Variants in PCYT1A observed in about 807,000 individuals in gnomAD.
PCYT1A encodes choline-phosphate cytidylyltransferase A.
Under a neutral mutation model 43.7 loss-of-function variants are expected in PCYT1A, and 25 were observed. The ratio of observed to expected loss-of-function variants is 0.57; its 90% CI spans 0.42 to 0.80. The LOEUF is 0.80. PCYT1A is among the 30% of genes least tolerant of loss of function. The pLI is 0.00. For missense variants in PCYT1A, 421 were observed against 474.2 expected (o/e 0.89, Z 1.04); for synonymous variants, 172 against 170.7 (o/e 1.01, Z -0.06).
chr3:196,275,238 TA>T (rs1725550138), intron 1 of PCYT1A, among the ~76,000 whole-genome samples: 2 of 152,312 alleles, frequency 1.3e-5, no homozygotes, highest in African/African-American at 4.8e-5. Flanking sequence ...TCATAATTTT[TA>T]AGTACAAACT....
chr3:196,247,305 G>A lies in PCYT1A; in HGVS notation c.486+62C>T. On this transcript the variant is annotated intron_variant, in intron 5 of 8. Coordinates refer to ENST00000431016, the MANE Select transcript of PCYT1A (RefSeq NM_001312673.2). The surrounding 1 kb of genome is among the most constrained non-coding windows in gnomAD (Gnocchi z 4.8). Reference sequence around the variant, plus strand: ...TAGTGGAAAACCAGCCTACGTGCCAGCAGCTTTGAGAGTTGAGGGGATTCT... The same window carrying A: ...TAGTGGAAAACCAGCCTACGTGCCAACAGCTTTGAGAGTTGAGGGGATTCT... The A allele has an allele frequency of 3.2e-6, 5 of 1,561,768 alleles. No individual in the cohort carries two copies. The highest frequency in any genetic ancestry group is 4.4e-6 in the Non-Finnish European group (5 of 1,138,114).
chr3:196,244,283 G>A (rs1577355887), intron 5 of PCYT1A, among the ~76,000 whole-genome samples: 1 of 141,918 alleles, frequency 7.0e-6, no homozygotes, highest in African/African-American at 2.7e-5. Context: ...TGGGATGTGA[G>A]GAGCCCCTCT....
At chr3:196,255,879 A>G (rs1002990838) in intron 3 of PCYT1A, among the ~76,000 whole-genome samples, 3 of 152,222 alleles carry the variant, frequency 2.0e-5, no homozygotes, top group Non-Finnish European at 4.4e-5. Flanking sequence ...CTTGCTTTCA[A>G]TAGCCTCTAC....
chr3:196,286,891 G>A (rs537500421), intron 1 of PCYT1A, among the ~76,000 whole-genome samples: 1 of 152,330 alleles, frequency 6.6e-6, no homozygotes, highest in East Asian at 1.9e-4. Flanking sequence ...TCCAGCCTGG[G>A]CAACAAGAGC....
chr3:196,272,187 C>CCT (rs1432950025), intron 1 of PCYT1A, among the ~76,000 whole-genome samples: 1 of 87,202 alleles, frequency 1.1e-5, no homozygotes, highest in East Asian at 6.1e-4. Context: ...CTCCTTCTTT[C>CCT]CTTTTTTTTT....
At position 196,268,369 on chromosome 3, in the gene PCYT1A, G is replaced by A. The variant is rs1725337185; in HGVS notation, c.117+2046C>T. Among the ~76,000 whole-genome samples, 1 of 152,156 alleles carries A rather than the reference G, an allele frequency of 6.6e-6. No homozygotes were observed. Among genetic ancestry groups the A allele is most frequent in the African/African-American group, 2.4e-5 (1 of 41,430 alleles). The stretch of plus-strand genomic sequence containing the variant: ...AATATTCAGAAACTAACAATGCCCT[G>A]TTTTGTTGATTGCTGAGTCACTTTC... On this transcript the variant is annotated intron_variant, in intron 2 of 8. Coordinates refer to ENST00000431016, the MANE Select transcript of PCYT1A (RefSeq NM_001312673.2). This position sits in a 1 kb window ranked among gnomAD's most constrained non-coding sequence, Gnocchi z 4.4.
Position 196,277,098 on chromosome 3 carries a change from C to T in PCYT1A, c.-10-6557G>A, listed in dbSNP as rs757538751. Among the ~76,000 whole-genome samples, 4 of 151,830 alleles carry T rather than the reference C, an allele frequency of 2.6e-5. No individual in the cohort carries two copies. The highest frequency in any genetic ancestry group is 9.7e-5 in the African/African-American group (4 of 41,316). On this transcript the variant is annotated intron_variant, in intron 1 of 8. Coordinates refer to ENST00000431016, the MANE Select transcript of PCYT1A (RefSeq NM_001312673.2). This position sits in a 1 kb window ranked among gnomAD's most constrained non-coding sequence, Gnocchi z 4.1. ...TATAAAAATTAGCCAGGTGTGGTGG[C>T]GGGCACCTGTAATCCCAGCTACTTG...
In PCYT1A at chr3:196,241,649, G is replaced by A. The variant is rs1724362129; in HGVS notation, c.708+299C>T. On this transcript the variant is annotated intron_variant, in intron 7 of 8. Transcript: ENST00000431016. Reference sequence around the variant, plus strand: ...CCCAAGACATCATCCAACCGAAGAAGAGAGAGGAAGTTTAAGAGACACCGT... The same window carrying A: ...CCCAAGACATCATCCAACCGAAGAAAAGAGAGGAAGTTTAAGAGACACCGT... 2.2e-6 allele frequency: 3 copies of A among 1,355,750 alleles called. No homozygotes were observed. In the African/African-American group the frequency reaches 4.4e-5, roughly 20 times the overall value. 84.0% of individuals were successfully genotyped at this position (1,355,750 alleles called of 1,614,324 possible). A position where few individuals can be genotyped will look rare whatever the true frequency, so the allele number is the denominator to read the frequency against.
Position 196,242,819 on chromosome 3 carries a change from T to C in PCYT1A, c.487-179A>G. On this transcript the variant is annotated intron_variant, in intron 5 of 8. Coordinates refer to ENST00000431016, the MANE Select transcript of PCYT1A (RefSeq NM_001312673.2). This position sits in a 1 kb window ranked among gnomAD's most constrained non-coding sequence, Gnocchi z 4.2. ...ATTCACAAACCACCCAACCTAATGA[T>C]TTATGGAGTATACATATGAAGTTAG... 1.6e-6 allele frequency: 1 copy of C among 620,014 alleles called. No homozygotes were observed. The allele number at this position is 620,014 out of a possible 1,614,324, so 38.4% of individuals were successfully genotyped here. A position where few individuals can be genotyped will look rare whatever the true frequency, so the allele number is the denominator to read the frequency against.
At position 196,273,073 on chromosome 3, in the gene PCYT1A, CA is replaced by C. The variant is rs553810096; in HGVS notation, c.-10-2533del. Among the ~76,000 whole-genome samples the C allele has an allele frequency of 6.1e-4, 93 of 152,320 alleles. No homozygotes were observed. Among genetic ancestry groups the C allele is most frequent in the African/African-American group, 1.9e-3 (80 of 41,574 alleles). ...GCGCACAGCCAGGCACGCCAGCTGCCAGGGGGTGAGCAGCTCGAGGCGCCAG... is the reference window on the plus strand; with the variant it reads ...GCGCACAGCCAGGCACGCCAGCTGCCGGGGGTGAGCAGCTCGAGGCGCCAG... On this transcript the variant is annotated intron_variant, in intron 1 of 8. Transcript: ENST00000431016. The surrounding 1 kb of genome is among the most constrained non-coding windows in gnomAD (Gnocchi z 4.1).
At chr3:196,254,203 T>G (rs978551285) in intron 3 of PCYT1A, among the ~76,000 whole-genome samples, 3 of 150,928 alleles carry the variant, frequency 2.0e-5, no homozygotes, top group East Asian at 3.9e-4. Context: ...ATTTTTTATA[T>G]TTTTAGTAGA....
intron 1 of PCYT1A, among the ~76,000 whole-genome samples, chr3:196,284,104 A>G (rs1725841525): frequency 2.0e-5 from 3 of 152,226 alleles, no homozygotes; most frequent in African/African-American, 4.8e-5. Context: ...GGAAATTTCT[A>G]TTAGTAGAAA....
chr3:196,272,762 G>C (rs1464723730), intron 1 of PCYT1A, among the ~76,000 whole-genome samples: 1 of 152,162 alleles, frequency 6.6e-6, no homozygotes. Flanking sequence ...GTCTCATTTA[G>C]CAGAGAGTTT....
intron 3 of PCYT1A, among the ~76,000 whole-genome samples, chr3:196,249,838 C>T (rs151176766): frequency 0.084 from 11,816 of 140,176 alleles, 2 homozygotes; most frequent in South Asian, 0.13. Flanking sequence ...AGGCTGAGGA[C>T]CAGATACACT....
chr3:196,246,583 G>A (rs1474436934), intron 5 of PCYT1A, among the ~76,000 whole-genome samples: 1 of 152,162 alleles, frequency 6.6e-6, no homozygotes, highest in Admixed American at 6.6e-5. Flanking sequence ...GTAAGGGGTT[G>A]ATAATAACTT....
In PCYT1A at chr3:196,238,807, A is replaced by G. The variant is rs1479942890; in HGVS notation, c.985T>C (p.Ser329Pro). Reference sequence around the variant, plus strand: ...GGCCATCGGAAAGAGGGGGAGGGGGAGCGCTCGCGAGTAGGGCTGCTGCTG... The same window carrying G: ...GGCCATCGGAAAGAGGGGGAGGGGGGGCGCTCGCGAGTAGGGCTGCTGCTG... ...SPSSSPTRER[S>P]PSPSFRWPFS... The change falls in exon 9 of 9, where the codon TCC becomes CCC. Residue 329 changes from serine (S) to proline (P), a missense_variant. Transcript: ENST00000431016. The G allele has an allele frequency of 1.2e-5, 19 of 1,575,272 alleles. No homozygotes were observed. The South Asian group carries it at 1.7e-4, about 14-fold the overall frequency.
At chr3:196,286,597 T>C (rs1725920374) in intron 1 of PCYT1A, among the ~76,000 whole-genome samples, 1 of 152,196 alleles carries the variant, frequency 6.6e-6, no homozygotes, top group African/African-American at 2.4e-5. Flanking sequence ...AAAGTTTCTA[T>C]TCTATTCCAC....
rs1035777961 is a variant in PCYT1A, at chr3:196,277,746, C to T, written c.-10-7205G>A. Among the ~76,000 whole-genome samples, 22 of 152,180 alleles carry T rather than the reference C, an allele frequency of 1.4e-4. No individual in the cohort carries two copies. Among genetic ancestry groups the T allele is most frequent in the Admixed American group, 1.1e-3 (17 of 15,270 alleles). The stretch of plus-strand genomic sequence containing the variant: ...ATTAGCTGAGCGTGGTGGCATGCAC[C>T]TGTAATCCCAGCTACTTGGGAGGCT... On this transcript the variant is annotated intron_variant, in intron 1 of 8. Coordinates refer to ENST00000431016, the MANE Select transcript of PCYT1A (RefSeq NM_001312673.2). The surrounding 1 kb of genome is among the most constrained non-coding windows in gnomAD (Gnocchi z 4.1).
At chr3:196,249,383 C>T (rs1724678592) in intron 3 of PCYT1A, among the ~76,000 whole-genome samples, 1 of 150,078 alleles carries the variant, frequency 6.7e-6, no homozygotes, top group Non-Finnish European at 1.5e-5. Flanking sequence ...TCAAGCAATC[C>T]CACCTTGGCC....
Sources: gnomAD v4.1 joint callset for allele counts (sites outside exome capture counted in the v4.1 genomes callset) on GRCh38, gnomAD v4.1.1 for gene constraint, Gnocchi (gnomAD v3.1) non-coding constraint, MANE v1.5 for transcripts, NCBI Gene and HGNC (gene_info 2026-07-23, HGNC 2026-07-21) for gene names.